The following KCNQ5 variants were observed in gnomAD, a reference collection of about 807,000 sequenced individuals.
KCNQ5 encodes the protein potassium voltage-gated channel subfamily Q member 5, also known as potassium voltage-gated channel subfamily KQT member 5.
Under a neutral mutation model 98.2 loss-of-function variants are expected in KCNQ5, and 30 were observed. The ratio of observed to expected loss-of-function variants is 0.31; its 90% CI spans 0.23 to 0.41. The LOEUF is 0.41. Ranked by LOEUF, KCNQ5 falls within the 10% of genes least tolerant of loss-of-function variation. The pLI, the probability that KCNQ5 is intolerant of heterozygous loss-of-function variation, is 1.00. For synonymous variants in KCNQ5, 458 were observed against 449.4 expected (o/e 1.02, Z -0.24); for missense variants, 835 against 1,182.5 (o/e 0.71, Z 4.31).
At chr6:72,937,579 T>A (rs1766003716) in intron 1 of KCNQ5, among the ~76,000 whole-genome samples, 1 of 152,218 alleles carries the variant, frequency 6.6e-6, no homozygotes, top group South Asian at 2.1e-4. Context: ...CTATATCAGT[T>A]TGGCTATGTA....
chr6:73,108,634 G>C (rs1247167293), intron 6 of KCNQ5, among the ~76,000 whole-genome samples: 1 of 152,126 alleles, frequency 6.6e-6, no homozygotes, highest in Non-Finnish European at 1.5e-5. Flanking sequence ...AGACCATCCT[G>C]CCTAACATGG....
intron 11 of KCNQ5, among the ~76,000 whole-genome samples, chr6:73,190,000 A>G: frequency 6.6e-6 from 1 of 151,992 alleles, no homozygotes; most frequent in Non-Finnish European, 1.5e-5. Flanking sequence ...CATCTCAAAA[A>G]AAAAAAAAAA....
chr6:72,723,187 C>T (rs1770065991), intron 1 of KCNQ5, among the ~76,000 whole-genome samples: 1 of 152,012 alleles, frequency 6.6e-6, no homozygotes, highest in African/African-American at 2.4e-5. Flanking sequence ...TCACTTCTAG[C>T]TTTGCAATTT....
Position 72,940,296 on chromosome 6 carries a change from A to G in KCNQ5, c.399-63612A>G, listed in dbSNP as rs140227498. On this transcript the variant is annotated intron_variant, in intron 1 of 13. Coordinates refer to ENST00000370398, the MANE Select transcript of KCNQ5 (RefSeq NM_019842.4). Reference sequence around the variant, plus strand: ...TCATTATGCATTATTATCATTATGCATTATTATTGAGACGGTTATTATTTC... The same window carrying G: ...TCATTATGCATTATTATCATTATGCGTTATTATTGAGACGGTTATTATTTC... Among the ~76,000 whole-genome samples, 1,308 of 152,366 alleles carry G rather than the reference A, an allele frequency of 8.6e-3. 22 individuals carry two copies. Among genetic ancestry groups the G allele is most frequent in the African/African-American group, 0.027 (1,141 of 41,576 alleles).
chr6:72,940,594 T>C (rs76098638), intron 1 of KCNQ5, among the ~76,000 whole-genome samples: 191 of 152,286 alleles, frequency 1.3e-3, no homozygotes, highest in African/African-American at 3.8e-3. Context: ...CAGAGATGGC[T>C]TTAATGTGTA....
rs145873516 is a variant in KCNQ5, at chr6:73,077,803, T to A, written c.834T>A (p.Ile278=). The A allele has an allele frequency of 2.7e-5, 44 of 1,612,186 alleles. No homozygotes were observed. Among genetic ancestry groups the A allele is most frequent in the Admixed American group, 1.0e-4 (6 of 59,972 alleles). The change falls in exon 5 of 14, where the codon ATT becomes ATA. Residue 278 remains isoleucine, a synonymous_variant. Coordinates refer to ENST00000370398, the MANE Select transcript of KCNQ5 (RefSeq NM_019842.4). The stretch of plus-strand genomic sequence containing the variant: ...GGTACATAGGATTTTTGGTTCTTAT[T>A]TTTTCGTCTTTCCTTGTCTATCTGG... The part of the protein sequence containing the change: ...TAWYIGFLVL[I]FSSFLVYLVE...
intron 3 of KCNQ5, among the ~76,000 whole-genome samples, chr6:73,053,302 G>A (rs1383608340): frequency 6.6e-6 from 1 of 152,128 alleles, no homozygotes; most frequent in Non-Finnish European, 1.5e-5. Context: ...AATAGTGGGA[G>A]ACTTTAACAT....
At chr6:72,967,240 A>C (rs942712030) in intron 1 of KCNQ5, among the ~76,000 whole-genome samples, 17 of 152,212 alleles carry the variant, frequency 1.1e-4, no homozygotes, top group Admixed American at 4.6e-4. Context: ...CTTGCACTAT[A>C]AAAATTTTAG....
intron 11 of KCNQ5, among the ~76,000 whole-genome samples, chr6:73,183,356 G>C (rs969592944): frequency 3.3e-5 from 5 of 152,162 alleles, no homozygotes; most frequent in Non-Finnish European, 7.3e-5. Context: ...AAAATTCTTA[G>C]AGTTTTAAGT....
chr6:73,126,558 T>A (rs1171054683), intron 9 of KCNQ5, among the ~76,000 whole-genome samples: 1 of 152,234 alleles, frequency 6.6e-6, no homozygotes, highest in Non-Finnish European at 1.5e-5. Flanking sequence ...CGCATATATC[T>A]ACGACATTTA....
chr6:73,174,503 T>C (rs1778140648), intron 11 of KCNQ5, among the ~76,000 whole-genome samples: 1 of 152,234 alleles, frequency 6.6e-6, no homozygotes, highest in South Asian at 2.1e-4. Flanking sequence ...AAACCTTTTC[T>C]TTCCCAGGCC....
At chr6:72,647,820 A>G (rs550260564) in intron 1 of KCNQ5, among the ~76,000 whole-genome samples, 1 of 152,328 alleles carries the variant, frequency 6.6e-6, no homozygotes, top group East Asian at 1.9e-4. Flanking sequence ...AGCATGAATA[A>G]GCTAATTTGG....
chr6:73,047,709 G>A (rs1016698337), intron 3 of KCNQ5, among the ~76,000 whole-genome samples: 1 of 152,140 alleles, frequency 6.6e-6, no homozygotes, highest in African/African-American at 2.4e-5. Flanking sequence ...TTCATTCACA[G>A]ACAGGGTATT....
intron 2 of KCNQ5, among the ~76,000 whole-genome samples, chr6:73,035,875 C>T (rs1373567264): frequency 2.0e-5 from 3 of 151,926 alleles, no homozygotes; most frequent in South Asian, 2.1e-4. Flanking sequence ...ACCCAATTTC[C>T]GCAAAATGTA....
chr6:72,872,350 A>G (rs529531033), intron 1 of KCNQ5, among the ~76,000 whole-genome samples: 15 of 152,280 alleles, frequency 9.9e-5, no homozygotes, highest in African/African-American at 3.4e-4. Flanking sequence ...ATAAGAGCAT[A>G]AGGAGGTCTA....
At chr6:72,889,680 A>G (rs757249637) in intron 1 of KCNQ5, among the ~76,000 whole-genome samples, 1 of 152,194 alleles carries the variant, frequency 6.6e-6, no homozygotes, top group Non-Finnish European at 1.5e-5. Context: ...TTAGTCAATT[A>G]CCAAATGGTA....
chr6:73,131,978 C>T (rs568244276), intron 9 of KCNQ5, among the ~76,000 whole-genome samples: 1 of 152,282 alleles, frequency 6.6e-6, no homozygotes, highest in Admixed American at 6.5e-5. Flanking sequence ...ACTCCCTGAC[C>T]ACCAGTTCAT....
chr6:72,688,841 G>A (rs183581524), intron 1 of KCNQ5, among the ~76,000 whole-genome samples: 111 of 152,000 alleles, frequency 7.3e-4, no homozygotes, highest in Middle Eastern at 3.4e-3. Flanking sequence ...TAAAATTTTT[G>A]GTCTTTTGGT....
chr6:72,729,200 G>A (rs556575865), intron 1 of KCNQ5, among the ~76,000 whole-genome samples: 1 of 152,090 alleles, frequency 6.6e-6, no homozygotes, highest in African/African-American at 2.4e-5. Flanking sequence ...GATAATTGTT[G>A]CAATGACTAA....
Sources: allele counts gnomAD v4.1 joint callset (sites outside exome capture counted in the v4.1 genomes callset), GRCh38; gene constraint gnomAD v4.1.1; transcripts MANE v1.5; gene names NCBI Gene and HGNC (gene_info 2026-07-23, HGNC 2026-07-21).